Variants in FBN2 observed in about 807,000 individuals in gnomAD.
The protein encoded by FBN2 is fibrillin-2.
FBN2 carries 105 observed loss-of-function variants against 355.6 expected under a neutral mutation model. That is an observed-to-expected ratio of 0.30 (90% CI 0.25 to 0.35). The LOEUF is 0.35. Ranked by LOEUF, FBN2 falls within the 10% of genes least tolerant of loss-of-function variation. The pLI, the probability that FBN2 is intolerant of heterozygous loss-of-function variation, is 1.00. For synonymous variants in FBN2, 1,350 were observed against 1,301.2 expected (o/e 1.04, Z -0.81); for missense variants, 3,280 against 3,758.7 (o/e 0.87, Z 3.33).
chr5:128,427,353 G>A (rs916620091), intron 7 of FBN2, among the ~76,000 whole-genome samples: 1 of 150,120 alleles, frequency 6.7e-6, no homozygotes, highest in Non-Finnish European at 1.5e-5. Flanking sequence ...TGAGATTTTT[G>A]TTCTCTATAG....
chr5:128,451,720 T>C (rs1754253823), intron 6 of FBN2, among the ~76,000 whole-genome samples: 2 of 152,204 alleles, frequency 1.3e-5, no homozygotes, highest in South Asian at 4.1e-4. Flanking sequence ...TTTTTAAATG[T>C]ACTACACTCC....
At chr5:128,353,578 G>A (rs1470136122) in intron 20 of FBN2, among the ~76,000 whole-genome samples, 2 of 152,156 alleles carry the variant, frequency 1.3e-5, no homozygotes, top group African/African-American at 4.8e-5. Flanking sequence ...GTATTTAAAT[G>A]ATCTTTTAAT....
intron 59 of FBN2, among the ~76,000 whole-genome samples, chr5:128,275,005 A>G (rs1765353893): frequency 6.6e-6 from 1 of 152,208 alleles, no homozygotes; most frequent in South Asian, 2.1e-4. Flanking sequence ...AATGCAGTAT[A>G]GTACATGGCT....
At chr5:128,409,847 T>C (rs534005620) in intron 7 of FBN2, among the ~76,000 whole-genome samples, 2 of 152,340 alleles carry the variant, frequency 1.3e-5, no homozygotes, top group South Asian at 2.1e-4. Flanking sequence ...AAAATAATTA[T>C]ATTCCTATTA....
intron 5 of FBN2, among the ~76,000 whole-genome samples, chr5:128,479,968 CTCTCTCTCTATATATA>C (rs1755119965): frequency 6.8e-4 from 20 of 29,232 alleles, no homozygotes; most frequent in African/African-American, 1.0e-3. Context: ...CTCTCTCTCT[CTCTCTCTCTATATATA>C]TATATATATA....
At chr5:128,268,498 G>T (rs866288086) in intron 62 of FBN2, among the ~76,000 whole-genome samples, 2 of 152,250 alleles carry the variant, frequency 1.3e-5, no homozygotes, top group African/African-American at 4.8e-5. Context: ...CAATTGAAAA[G>T]TAGGGACTAC....
intron 7 of FBN2, among the ~76,000 whole-genome samples, chr5:128,426,805 A>T (rs533491432): frequency 6.6e-6 from 1 of 152,274 alleles, no homozygotes; most frequent in South Asian, 2.1e-4. Flanking sequence ...ACGTGAGAGG[A>T]CAGGTACTAG....
chr5:128,344,475 T>C lies in FBN2; in HGVS notation c.3253A>G (p.Thr1085Ala). The C allele has an allele frequency of 1.2e-6, 2 of 1,613,548 alleles. No homozygotes were observed. The highest frequency in any genetic ancestry group is 8.5e-7 in the Non-Finnish European group (1 of 1,179,486). The change falls in exon 25 of 65, where the codon ACT (threonine) becomes GCT (alanine). Residue 1085 changes from threonine (T) to alanine (A), a missense_variant. Thr to Ala is a moderately conservative substitution (Grantham distance 58). This residue lies in a region of FBN2 where 2,284 missense variants were observed against 2,749.5 expected (regional missense o/e 0.83). Coordinates refer to ENST00000262464, the MANE Select transcript of FBN2 (RefSeq NM_001999.4). ...ATTGTATTTCTGCACTTCCCATAAG[T>C]GCACATCCCAGGAAATGCTTTGCAT... is the stretch of plus-strand genomic sequence containing the variant. The part of the protein sequence containing the change: ...NECKAFPGMC[T>A]YGKCRNTIGS...
chr5:128,329,008 C>A (rs1750625915), intron 33 of FBN2, among the ~76,000 whole-genome samples, 187 bp from the exon 34 acceptor site: 1 of 152,162 alleles, frequency 6.6e-6, no homozygotes, highest in Non-Finnish European at 1.5e-5. Flanking sequence ...TGCCCCCTAA[C>A]ATTCAATTGT....
intron 11 of FBN2, among the ~76,000 whole-genome samples, chr5:128,388,851 A>C (rs1047409893): frequency 6.6e-6 from 1 of 152,176 alleles, no homozygotes; most frequent in South Asian, 2.1e-4. Context: ...TCACAGGGGT[A>C]CTCCAGACTT....
chr5:128,475,667 T>C (rs1170443123), intron 5 of FBN2, among the ~76,000 whole-genome samples: 2 of 152,048 alleles, frequency 1.3e-5, no homozygotes, highest in African/African-American at 2.4e-5. Context: ...AAAAAAGATA[T>C]ACTCAACGAA....
chr5:128,429,974 A>T (rs1005994880), intron 7 of FBN2, among the ~76,000 whole-genome samples: 1 of 152,202 alleles, frequency 6.6e-6, no homozygotes, highest in Admixed American at 6.5e-5. Context: ...TTGTACTTAG[A>T]ATTCAACAAA....
chr5:128,320,522 T>A (rs1750340341), intron 34 of FBN2, among the ~76,000 whole-genome samples: 1 of 152,228 alleles, frequency 6.6e-6, no homozygotes, highest in Non-Finnish European at 1.5e-5. Flanking sequence ...TCCATTTTAC[T>A]TTTAAATGAA....
intron 48 of FBN2, among the ~76,000 whole-genome samples, chr5:128,299,856 C>T (rs1470316529): frequency 2.6e-5 from 4 of 152,130 alleles, no homozygotes; most frequent in African/African-American, 9.6e-5. Flanking sequence ...CCCCCTTAAA[C>T]TTTTCAAGAA....
At chr5:128,310,790 C>T (rs1750032723) in intron 39 of FBN2, among the ~76,000 whole-genome samples, 1 of 152,022 alleles carries the variant, frequency 6.6e-6, no homozygotes, top group African/African-American at 2.4e-5. Context: ...AGATGTGGAC[C>T]TTGTCTCCAG....
intron 8 of FBN2, among the ~76,000 whole-genome samples, chr5:128,406,717 G>C (rs1037928475): frequency 2.6e-5 from 4 of 152,172 alleles, no homozygotes; most frequent in Admixed American, 2.6e-4. Flanking sequence ...AAAGTTCACT[G>C]TGCTACTCAG....
intron 8 of FBN2, among the ~76,000 whole-genome samples, chr5:128,403,990 A>G (rs1752865070): frequency 6.6e-6 from 1 of 152,236 alleles, no homozygotes. Context: ...GTTAACTAGA[A>G]TAAGAAATTA....
intron 7 of FBN2, 60 bp downstream of exon 7, chr5:128,446,421 T>A: frequency 6.4e-7 from 1 of 1,574,462 alleles, no homozygotes; most frequent in Non-Finnish European, 8.7e-7. Context: ...TCAAATGAAG[T>A]CCTGTTTTTC....
At chr5:128,369,767 T>C (rs114810916) in intron 15 of FBN2, among the ~76,000 whole-genome samples, 109 of 152,342 alleles carry the variant, frequency 7.2e-4, no homozygotes, top group African/African-American at 2.5e-3. Flanking sequence ...TGATACTGGC[T>C]TGGGCGTGAG....
Sources: allele counts gnomAD v4.1 joint callset (sites outside exome capture counted in the v4.1 genomes callset), GRCh38; gene constraint gnomAD v4.1.1; regional missense constraint gnomAD v4.1.1; transcripts MANE v1.5; gene names NCBI Gene and HGNC (gene_info 2026-07-23, HGNC 2026-07-21).